GRIP1: variants seen among roughly 807,000 people sequenced by gnomAD.
GRIP1 encodes glutamate receptor-interacting protein 1.
GRIP1 carries 45 observed loss-of-function variants against 129.9 expected under a neutral mutation model. That is an observed-to-expected ratio of 0.35 (90% CI 0.27 to 0.44). The LOEUF is 0.44. GRIP1 is among the 20% of genes least tolerant of loss of function. The pLI is 1.00. For missense variants in GRIP1, 1,196 were observed against 1,396.8 expected (o/e 0.86, Z 2.29); for synonymous variants, 530 against 520.8 (o/e 1.02, Z -0.24).
intron 1 of GRIP1, among the ~76,000 whole-genome samples, chr12:66,765,202 A>G (rs1227073868): frequency 6.6e-6 from 1 of 152,264 alleles, no homozygotes; most frequent in South Asian, 2.1e-4. Flanking sequence ...CCTGGTGATG[A>G]TATTTCCTAG....
At chr12:66,868,114 G>T (rs1035895368) in intron 1 of GRIP1, among the ~76,000 whole-genome samples, 2 of 152,040 alleles carry the variant, frequency 1.3e-5, no homozygotes, top group South Asian at 4.2e-4. Flanking sequence ...TCAGCATGTG[G>T]TTCACTCAAA....
At chr12:66,795,878 T>A (rs1349825006) in intron 1 of GRIP1, among the ~76,000 whole-genome samples, 2 of 152,080 alleles carry the variant, frequency 1.3e-5, no homozygotes, top group Non-Finnish European at 2.9e-5. Context: ...GGGAGAAGCA[T>A]AAAATAATTT....
chr12:66,652,664 G>A (rs12302769), intron 1 of GRIP1, among the ~76,000 whole-genome samples: 2,507 of 152,286 alleles, frequency 0.016, 62 homozygotes, highest in African/African-American at 0.057. Flanking sequence ...AGAGGTAGAC[G>A]CTCTGCACAG....
chr12:66,718,464 C>T lies in GRIP1; in HGVS notation c.-420+85589G>A, dbSNP rs567006552. ...AGAAAGAAATCCAAGCTGTAGTTCT[C>T]AGAACATAGGTATTTCCATGATCAA... On this transcript the variant is annotated intron_variant, in intron 1 of 4. Transcript: ENST00000538373. Among the ~76,000 whole-genome samples the T allele has an allele frequency of 3.9e-5, 6 of 152,296 alleles. No homozygotes were observed. In the South Asian group the frequency reaches 1.2e-3, roughly 32 times the overall value.
chr12:66,739,565 T>C (rs2036721106), intron 1 of GRIP1, among the ~76,000 whole-genome samples: 1 of 151,948 alleles, frequency 6.6e-6, no homozygotes, highest in African/African-American at 2.4e-5. Flanking sequence ...CATTTAATAG[T>C]CCTCCATGGT....
chr12:66,696,123 C>T (rs1274141438), intron 1 of GRIP1, among the ~76,000 whole-genome samples: 8 of 152,112 alleles, frequency 5.3e-5, no homozygotes, highest in Non-Finnish European at 8.8e-5. Context: ...TTACTATTAT[C>T]TCAAAACCCC....
At chr12:67,052,386 G>A (rs1220686772) in intron 1 of GRIP1, among the ~76,000 whole-genome samples, 3 of 152,088 alleles carry the variant, frequency 2.0e-5, no homozygotes, top group Non-Finnish European at 4.4e-5. Context: ...CTACATTATT[G>A]TCTAAATTTT....
At chr12:66,877,484 A>G (rs12322826) in intron 1 of GRIP1, among the ~76,000 whole-genome samples, 2,257 of 152,190 alleles carry the variant, frequency 0.015, 66 homozygotes, top group African/African-American at 0.051. Flanking sequence ...AACATCTCAT[A>G]CAATTTTAAG....
chr12:66,409,168 G>C (rs977748019), intron 15 of GRIP1, among the ~76,000 whole-genome samples: 1 of 152,166 alleles, frequency 6.6e-6, no homozygotes, highest in Non-Finnish European at 1.5e-5. Flanking sequence ...TGGTCCTTGA[G>C]TGAACATGGC....
chr12:66,482,262 G>A (rs923848560), intron 7 of GRIP1, among the ~76,000 whole-genome samples: 9 of 152,160 alleles, frequency 5.9e-5, no homozygotes, highest in Non-Finnish European at 1.3e-4. Flanking sequence ...TAACTGTCAA[G>A]GGAATGGCAG....
chr12:66,775,489 G>T (rs1211232633), intron 1 of GRIP1, among the ~76,000 whole-genome samples: 1 of 152,032 alleles, frequency 6.6e-6, no homozygotes, highest in East Asian at 1.9e-4. Context: ...ATCTTCATTT[G>T]TCAATTTTAG....
rs199738180 is a variant in GRIP1 at position 66,785,343 on chromosome 12, CAT to C, written c.-420+18708_-420+18709del. On this transcript the variant is annotated intron_variant, in intron 1 of 4. Transcript: ENST00000538373. ...ACATACATACATACATACATACATA[CAT>C]ATATATATATATATATATTAGTTGG... Among the ~76,000 whole-genome samples, 30 of 72,780 alleles carry C rather than the reference CAT, an allele frequency of 4.1e-4. 1 individual carries two copies. The highest frequency in any genetic ancestry group is 8.3e-4 in the East Asian group (2 of 2,402). The allele number at this position is 72,780 out of a possible 152,430, so 47.7% of individuals were successfully genotyped here. A position where few individuals can be genotyped will look rare whatever the true frequency, so the allele number is the denominator to read the frequency against.
At chr12:66,929,573 C>T (rs929324107) in intron 1 of GRIP1, among the ~76,000 whole-genome samples, 5 of 152,022 alleles carry the variant, frequency 3.3e-5, no homozygotes, top group South Asian at 2.1e-4. Context: ...AAGTGAATAC[C>T]CTACACTCTC....
chr12:66,804,122 A>C (rs1566031025), exon 1 of GRIP1: 1 of 455,970 alleles, frequency 2.2e-6, no homozygotes. Flanking sequence ...TCTGGTCGGT[A>C]CTTTTTCCCC....
At chr12:66,847,876 ATATGAG>A (rs1463249124) in intron 1 of GRIP1, among the ~76,000 whole-genome samples, 13 of 152,216 alleles carry the variant, frequency 8.5e-5, no homozygotes, top group East Asian at 1.9e-4. Flanking sequence ...CAGATACTGG[ATATGAG>A]TATGTGTTTT....
At chr12:66,765,972 A>G (rs2037623475) in intron 1 of GRIP1, among the ~76,000 whole-genome samples, 2 of 152,152 alleles carry the variant, frequency 1.3e-5, no homozygotes, top group Admixed American at 6.5e-5. Flanking sequence ...GAACTTGCAG[A>G]CCACTCAAGA....
chr12:66,928,092 C>T (rs908443062), intron 1 of GRIP1, among the ~76,000 whole-genome samples: 1 of 152,152 alleles, frequency 6.6e-6, no homozygotes, highest in Admixed American at 6.5e-5. Flanking sequence ...TGTCTGCGCT[C>T]CGGACTTCAG....
At chr12:66,409,238 C>T (rs4363649) in intron 15 of GRIP1, among the ~76,000 whole-genome samples, 33,857 of 152,062 alleles carry the variant, frequency 0.22, 3,944 homozygotes, top group East Asian at 0.34. Flanking sequence ...ACCACGTTGG[C>T]TTCAGGTCTG....
intron 1 of GRIP1, among the ~76,000 whole-genome samples, chr12:67,029,743 A>G (rs2042993862): frequency 6.6e-6 from 1 of 152,108 alleles, no homozygotes; most frequent in African/African-American, 2.4e-5. Context: ...GACATGTGCT[A>G]GTCATGTTGA....
Sources: gnomAD v4.1 joint callset for allele counts (sites outside exome capture counted in the v4.1 genomes callset) on GRCh38, gnomAD v4.1.1 for gene constraint, MANE v1.5 for transcripts, NCBI Gene and HGNC (gene_info 2026-07-23, HGNC 2026-07-21) for gene names.